The following CLCN3 variants were observed in gnomAD, a reference collection of about 807,000 sequenced individuals.
CLCN3 encodes the protein Cl-/H+ antiporter 3, also known as H(+)/Cl(-) exchange transporter 3.
In CLCN3, 16 loss-of-function variants were observed where a neutral mutation model predicts 83.4. The observed-to-expected ratio is 0.19, with a 90% CI of 0.13 to 0.29. The LOEUF (loss-of-function observed/expected upper bound fraction) is 0.29, where lower values mean the gene tolerates loss of function less well. CLCN3 is among the 10% of genes least tolerant of loss of function. CLCN3 has a pLI of 1.00. For missense variants in CLCN3, 544 were observed against 1,006.0 expected (o/e 0.54, Z 6.21); for synonymous variants, 322 against 346.2 (o/e 0.93, Z 0.78).
At chr4:169,679,244 T>C (rs1193000467) in intron 2 of CLCN3, among the ~76,000 whole-genome samples, 3 of 135,938 alleles carry the variant, frequency 2.2e-5, no homozygotes, top group African/African-American at 8.7e-5. Context: ...GCTCCTCACA[T>C]CCCAGAGGGG....
At chr4:169,647,112 G>T (rs1224467584) in intron 2 of CLCN3, among the ~76,000 whole-genome samples, 2 of 152,160 alleles carry the variant, frequency 1.3e-5, no homozygotes, top group Non-Finnish European at 2.9e-5. Context: ...TTGGCTGGGC[G>T]TGGTGGCTCA....
Position 169,707,961 on chromosome 4 carries a change from G to T in CLCN3, c.2149+695G>T, listed in dbSNP as rs1002088294. Among the ~76,000 whole-genome samples, 5 of 152,258 alleles carry T rather than the reference G, an allele frequency of 3.3e-5. No homozygotes were observed. In the South Asian group the frequency reaches 1.0e-3, roughly 32 times the overall value. The stretch of plus-strand genomic sequence containing the variant: ...TTTCTCTTTACCTTATAGTCCCGCA[G>T]TATTGATGAGGAGACCATTAAGACT... On this transcript the variant is annotated intron_variant, in intron 11 of 12. Transcript: ENST00000513761.
At position 169,620,930 on chromosome 4, in the gene CLCN3, C is replaced by T. The variant is rs1773095706; in HGVS notation, c.-150C>T. Reference sequence around the variant, plus strand: ...AAAACGTCAGGTATCTTTTAAATCGCGATAGTTTTCGCTGTGTCAGGCTTT... The same window carrying T: ...AAAACGTCAGGTATCTTTTAAATCGTGATAGTTTTCGCTGTGTCAGGCTTT... On this transcript the variant is annotated 5_prime_UTR_variant, in exon 1 of 13. An upstream open reading frame in the 5' UTR gains an earlier in-frame stop. Transcript: ENST00000513761. The T allele has an allele frequency of 2.5e-6, 1 of 398,176 alleles. No homozygotes were observed. Among genetic ancestry groups the T allele is most frequent in the African/African-American group, 2.1e-5 (1 of 48,482 alleles). The allele number at this position is 398,176 out of a possible 1,614,324, so 24.7% of individuals were successfully genotyped here.
At chr4:169,624,624 A>G (rs34165464) in intron 1 of CLCN3, among the ~76,000 whole-genome samples, 7,072 of 152,292 alleles carry the variant, frequency 0.046, 205 homozygotes, top group African/African-American at 0.082. Flanking sequence ...AGGAAAATGT[A>G]TAATGTAATT....
At chr4:169,694,635 T>C (rs80329769) in intron 7 of CLCN3, among the ~76,000 whole-genome samples, 1 of 152,178 alleles carries the variant, frequency 6.6e-6, no homozygotes, top group Non-Finnish European at 1.5e-5. Flanking sequence ...GGTCAGGAAT[T>C]CGAGACCAGT....
At chr4:169,710,214 G>T (rs1205555561) in intron 11 of CLCN3, among the ~76,000 whole-genome samples, 4 of 152,130 alleles carry the variant, frequency 2.6e-5, no homozygotes, top group Non-Finnish European at 4.4e-5. Flanking sequence ...TGTGTGGGGA[G>T]AATATCTAAA....
intron 1 of CLCN3, among the ~76,000 whole-genome samples, chr4:169,629,394 T>A (rs529184700): frequency 4.0e-5 from 6 of 151,888 alleles, no homozygotes; most frequent in Non-Finnish European, 8.8e-5. Context: ...TTGAGGCAGA[T>A]CTTGCTCAGT....
intron 12 of CLCN3, among the ~76,000 whole-genome samples, chr4:169,715,317 GA>G (rs1290141146): frequency 6.6e-6 from 1 of 151,994 alleles, no homozygotes; most frequent in Non-Finnish European, 1.5e-5. Flanking sequence ...CTGTTCATAT[GA>G]AAAAAGGGGT....
At chr4:169,671,435 C>T (rs1256759187) in intron 2 of CLCN3, among the ~76,000 whole-genome samples, 7 of 151,818 alleles carry the variant, frequency 4.6e-5, no homozygotes, top group African/African-American at 1.7e-4. Context: ...CATCACACAC[C>T]GAGGCCTGTT....
intron 3 of CLCN3, among the ~76,000 whole-genome samples, chr4:169,686,031 G>A (rs1315834727): frequency 6.6e-6 from 1 of 152,060 alleles, no homozygotes; most frequent in Non-Finnish European, 1.5e-5. Context: ...TTGGGACATG[G>A]ATGAAGCTGG....
chr4:169,715,993 A>AT (rs1180661327), intron 12 of CLCN3, among the ~76,000 whole-genome samples: 7 of 152,146 alleles, frequency 4.6e-5, no homozygotes, highest in Non-Finnish European at 8.8e-5. Context: ...AAATGCAACT[A>AT]TTTTTGGGTT....
chr4:169,671,990 TC>T (rs1316798880), intron 2 of CLCN3, among the ~76,000 whole-genome samples: 1 of 152,086 alleles, frequency 6.6e-6, no homozygotes, highest in East Asian at 1.9e-4. Context: ...GGCGGGCAGA[TC>T]ACGAGGTCAG....
In CLCN3 at chr4:169,699,698, G is replaced by A. The variant is rs139271128; in HGVS notation, c.1563+1964G>A. 1.9e-3 allele frequency among the ~76,000 whole-genome samples: 293 copies of A among 152,006 alleles called. 1 individual carries two copies. The highest frequency in any genetic ancestry group is 6.5e-3 in the African/African-American group (268 of 41,454). On this transcript the variant is annotated intron_variant, in intron 9 of 12. Transcript: ENST00000513761. ...GGAGATCGAGACCATCCTGGCTAATGCGGTGAAACCCCGTCTTTACTAAAA... is the reference window on the plus strand; with the variant it reads ...GGAGATCGAGACCATCCTGGCTAATACGGTGAAACCCCGTCTTTACTAAAA...
At chr4:169,685,423 G>A (rs1189504370) in intron 3 of CLCN3, among the ~76,000 whole-genome samples, 1 of 152,044 alleles carries the variant, frequency 6.6e-6, no homozygotes, top group Non-Finnish European at 1.5e-5. Flanking sequence ...TTTTTAACTT[G>A]TGGTTTATCT....
intron 8 of CLCN3, among the ~76,000 whole-genome samples, chr4:169,696,943 A>G (rs1732587085): frequency 6.6e-6 from 1 of 151,992 alleles, no homozygotes; most frequent in South Asian, 2.1e-4. Flanking sequence ...ATAAAACAGC[A>G]CTAGGTATTC....
chr4:169,697,582 C>G lies in CLCN3; in HGVS notation c.1411C>G (p.Leu471Val). Residue 471 changes from leucine (L) to valine (V), a missense_variant, in exon 9 of 13, where the codon CTT becomes GTT. Leu to Val is a conservative substitution (Grantham distance 32). Around this residue, in one of 6 missense-constraint regions of CLCN3, gnomAD observed 194 missense variants for 341.4 expected, o/e 0.57. Coordinates refer to ENST00000513761, the MANE Select transcript of CLCN3 (RefSeq NM_001829.4). ...CTGTGGTCCCCTGGAATCCTCTTCT[C>G]TTTGTGACTACAGAAATGACATGAA... ...TDCGPLESSS[L>V]CDYRNDMNAS... 6.2e-7 allele frequency: 1 copy of G among 1,614,200 alleles called. No individual in the cohort carries two copies. The highest frequency in any genetic ancestry group is 8.5e-7 in the Non-Finnish European group (1 of 1,180,020).
chr4:169,682,226 A>G lies in CLCN3; in HGVS notation c.318+2019A>G, dbSNP rs187095897. Among the ~76,000 whole-genome samples, 11 of 152,316 alleles carry G rather than the reference A, an allele frequency of 7.2e-5. No homozygotes were observed. The East Asian group carries it at 1.9e-3, about 27-fold the overall frequency. ...TAAATGTTGACACTTATATAATATA[A>G]TACAATATTTTAAAAATCACATTTG... On this transcript the variant is annotated intron_variant, in intron 3 of 12. Transcript: ENST00000513761.
At chr4:169,644,088 G>A (rs571363691) in intron 2 of CLCN3, among the ~76,000 whole-genome samples, 96 of 152,230 alleles carry the variant, frequency 6.3e-4, no homozygotes, top group African/African-American at 2.1e-3. Context: ...CAGTATGAGC[G>A]AAAGTGTTCT....
At chr4:169,692,489 T>A (rs141495495) in intron 7 of CLCN3, among the ~76,000 whole-genome samples, 169 bp downstream of exon 7, 7 of 152,302 alleles carry the variant, frequency 4.6e-5, no homozygotes, top group African/African-American at 1.7e-4. Context: ...CTAGAATCCA[T>A]TCCCAGTGCT....
Sources: gnomAD v4.1 joint callset for allele counts (sites outside exome capture counted in the v4.1 genomes callset) on GRCh38, gnomAD v4.1.1 for gene constraint, gnomAD v4.1.1 regional missense constraint, MANE v1.5 for transcripts, NCBI Gene and HGNC (gene_info 2026-07-23, HGNC 2026-07-21) for gene names.